The following GRID2 variants were observed in gnomAD, a reference collection of about 807,000 sequenced individuals.
The protein encoded by GRID2 is glutamate ionotropic receptor delta type subunit 2.
In GRID2, 33 loss-of-function variants were observed where a neutral mutation model predicts 114.8. That is an observed-to-expected ratio of 0.29 (90% CI 0.22 to 0.38). The LOEUF (loss-of-function observed/expected upper bound fraction) is 0.38, where lower values mean the gene tolerates loss of function less well. GRID2 is among the 10% of genes least tolerant of loss of function. The probability of loss-of-function intolerance (pLI) is 1.00; values close to 1 mark genes in which losing one functional copy is unlikely to be tolerated. For missense variants in GRID2, 1,184 were observed against 1,257.7 expected (o/e 0.94, Z 0.89); for synonymous variants, 505 against 449.9 (o/e 1.12, Z -1.55).
intron 2 of GRID2, among the ~76,000 whole-genome samples, chr4:92,846,381 C>A (rs1483218930): frequency 6.6e-6 from 1 of 151,980 alleles, no homozygotes; most frequent in African/African-American, 2.4e-5. Flanking sequence ...TCTATGTGTA[C>A]CCAGTGTTTA....
At chr4:93,267,197 A>G (rs939799878) in intron 8 of GRID2, among the ~76,000 whole-genome samples, 3 of 122,190 alleles carry the variant, frequency 2.5e-5, no homozygotes, top group African/African-American at 6.4e-5. Flanking sequence ...TATTTTTTTT[A>G]TTATTATACT....
chr4:92,650,177 A>G, intron 2 of GRID2, among the ~76,000 whole-genome samples: 1 of 152,092 alleles, frequency 6.6e-6, no homozygotes, highest in East Asian at 1.9e-4. Flanking sequence ...TTATAACAAA[A>G]TAAGGAGGAA....
intron 8 of GRID2, among the ~76,000 whole-genome samples, chr4:93,313,318 A>G (rs943612243): frequency 6.6e-6 from 1 of 152,158 alleles, no homozygotes; most frequent in Non-Finnish European, 1.5e-5. Context: ...ATGCTTTCAA[A>G]TGGGTCCTTC....
At chr4:92,808,407 TACTC>T (rs1740515772) in intron 2 of GRID2, among the ~76,000 whole-genome samples, 2 of 152,094 alleles carry the variant, frequency 1.3e-5, no homozygotes, top group Admixed American at 1.3e-4. Flanking sequence ...CAGAATTTGT[TACTC>T]AGTCATAAGA....
intron 9 of GRID2, among the ~76,000 whole-genome samples, chr4:93,418,964 G>T (rs1366113633): frequency 4.0e-5 from 6 of 151,382 alleles, no homozygotes; most frequent in Non-Finnish European, 8.8e-5. Context: ...GACAGATTAT[G>T]ATGCCTCCTT....
intron 13 of GRID2, among the ~76,000 whole-genome samples, chr4:93,552,949 C>T (rs183128871): frequency 2.0e-5 from 3 of 152,060 alleles, no homozygotes; most frequent in Non-Finnish European, 4.4e-5. Flanking sequence ...TATGTCCCTG[C>T]AAAGGACATG....
At chr4:92,796,265 A>G (rs1739866613) in intron 2 of GRID2, among the ~76,000 whole-genome samples, 1 of 151,898 alleles carries the variant, frequency 6.6e-6, no homozygotes, top group Admixed American at 6.6e-5. Context: ...CACCTTAAGT[A>G]TTGAAATCTT....
intron 8 of GRID2, among the ~76,000 whole-genome samples, chr4:93,339,305 G>A (rs181935895): frequency 2.6e-4 from 39 of 152,262 alleles, no homozygotes; most frequent in South Asian, 1.2e-3. Flanking sequence ...ACATTAAAAT[G>A]AGGTCACACT....
Position 93,110,865 on chromosome 4 carries a change from G to A in GRID2, c.647G>A (p.Arg216Lys), listed in dbSNP as rs1031398261. 6.2e-7 allele frequency: 1 copy of A among 1,612,026 alleles called. No individual in the cohort carries two copies. Among genetic ancestry groups the A allele is most frequent in the Non-Finnish European group, 8.5e-7 (1 of 1,178,084 alleles). The change falls in exon 4 of 16, where the codon AGA becomes AAA. Residue 216 changes from arginine to lysine, a missense_variant. Arg to Lys is a conservative substitution (Grantham distance 26, BLOSUM62 2). Transcript: ENST00000282020. ...KMITTLFDTM[R>K]IEELNRYRDT... ...ATTACCACTCTCTTTGACACCATGA[G>A]AATAGAAGAACTGAATCGCTATCGA...
intron 1 of GRID2, among the ~76,000 whole-genome samples, chr4:92,521,313 A>G (rs1005729423): frequency 6.6e-6 from 1 of 151,930 alleles, no homozygotes; most frequent in South Asian, 2.1e-4. Flanking sequence ...TATGTTATGC[A>G]AGTTTTATTA....
At chr4:93,501,440 A>G (rs1178231463) in intron 12 of GRID2, among the ~76,000 whole-genome samples, 1 of 152,052 alleles carries the variant, frequency 6.6e-6, no homozygotes, top group African/African-American at 2.4e-5. Flanking sequence ...GTATAGGCTT[A>G]ACTCCAGAAC....
At position 92,499,415 on chromosome 4, in the gene GRID2, C is replaced by G. The variant is rs141064938; in HGVS notation, c.89-90716C>G. 5.2e-3 allele frequency among the ~76,000 whole-genome samples: 792 copies of G among 152,172 alleles called. 6 individuals carry two copies. The highest frequency in any genetic ancestry group is 0.018 in the African/African-American group (754 of 41,542). On this transcript the variant is annotated intron_variant, in intron 1 of 15. Transcript: ENST00000282020. The stretch of plus-strand genomic sequence containing the variant: ...TCCAAGTTCTTTTAGGTTGTTTTCT[C>G]TATTTGTTCCTAAGATTTATTCAAA...
intron 13 of GRID2, among the ~76,000 whole-genome samples, chr4:93,572,745 C>T (rs1171172572): frequency 6.6e-6 from 1 of 152,016 alleles, no homozygotes; most frequent in Non-Finnish European, 1.5e-5. Flanking sequence ...AGGCACACGA[C>T]CACACCCACA....
intron 2 of GRID2, among the ~76,000 whole-genome samples, chr4:92,816,056 C>G (rs535763641): frequency 6.6e-6 from 1 of 151,126 alleles, no homozygotes; most frequent in South Asian, 2.1e-4. Flanking sequence ...TGGCTCATGC[C>G]TGTAATCCCA....
intron 2 of GRID2, among the ~76,000 whole-genome samples, chr4:92,956,345 G>A (rs945479382): frequency 2.6e-5 from 4 of 152,124 alleles, no homozygotes. Context: ...GTATTATGCA[G>A]AATAGTTTCA....
chr4:92,666,433 TCCACTGAATGGAA>T, intron 2 of GRID2, among the ~76,000 whole-genome samples: 1 of 151,612 alleles, frequency 6.6e-6, no homozygotes, highest in East Asian at 1.9e-4. Flanking sequence ...TTTATTACCT[TCCACTGAATGGAA>T]CATACTTTAC....
chr4:92,706,052 A>G (rs550038182), intron 2 of GRID2, among the ~76,000 whole-genome samples: 19 of 152,296 alleles, frequency 1.2e-4, no homozygotes, highest in African/African-American at 4.6e-4. Context: ...CCTGAAGTAA[A>G]GGCGCAGTTT....
intron 8 of GRID2, among the ~76,000 whole-genome samples, chr4:93,310,042 C>G (rs961677557): frequency 3.9e-5 from 6 of 152,058 alleles, no homozygotes; most frequent in Non-Finnish European, 5.9e-5. Flanking sequence ...CCCTGATATT[C>G]CACTAGAAGG....
chr4:93,393,374 G>A (rs1765036144), intron 8 of GRID2, among the ~76,000 whole-genome samples: 1 of 151,796 alleles, frequency 6.6e-6, no homozygotes, highest in Non-Finnish European at 1.5e-5. Flanking sequence ...AACACAGAAA[G>A]GTGAAAAGTC....
Sources: gnomAD v4.1 joint callset for allele counts (sites outside exome capture counted in the v4.1 genomes callset) on GRCh38, gnomAD v4.1.1 for gene constraint, MANE v1.5 for transcripts, NCBI Gene and HGNC (gene_info 2026-07-23, HGNC 2026-07-21) for gene names.